UBTF: variants seen among roughly 807,000 people sequenced by gnomAD.
The protein encoded by UBTF is upstream binding transcription factor.
A neutral mutation model predicts 112.3 loss-of-function variants in UBTF; 8 were observed. The observed-to-expected ratio is 0.07, with a 90% CI of 0.04 to 0.13. The LOEUF (loss-of-function observed/expected upper bound fraction) is 0.13. Ranked by LOEUF, UBTF falls within the 10% of genes least tolerant of loss-of-function variation. The pLI is 1.00. For synonymous variants in UBTF, 417 were observed against 373.1 expected (o/e 1.12, Z -1.36); for missense variants, 457 against 982.1 (o/e 0.47, Z 7.15).
At chr17:44,217,801 G>A (rs914927654) in intron 2 of UBTF, among the ~76,000 whole-genome samples, 1 of 152,090 alleles carries the variant, frequency 6.6e-6, no homozygotes, top group African/African-American at 2.4e-5. Context: ...AAGCCTCATG[G>A]TCTTCCTAAA....
intron 15 of UBTF, 137 bp from the exon 16 acceptor site, chr17:44,209,870 A>G: frequency 1.1e-6 from 1 of 931,514 alleles, no homozygotes; most frequent in Non-Finnish European, 1.6e-6. Flanking sequence ...CTAGTGAGCA[A>G]CTTCCTAACA....
At chr17:44,210,742 G>A (rs1474491866) in intron 13 of UBTF, 50 bp downstream of exon 13, 1 of 1,546,770 alleles carries the variant, frequency 6.5e-7, no homozygotes, top group African/African-American at 1.4e-5. Context: ...GGGGAAGAGG[G>A]GGCCCTGGCA....
chr17:44,212,422 C>G lies in UBTF; in HGVS notation c.693G>C (p.Gly231=). ...ATTKEVKDSL[G]KQWSQLSDKK... ...TGTCCGAGAGCTGAGACCACTGCTT[C>G]CCCAGGGAGTCCTTCACCTCCTTCG... The change falls in exon 8 of 21, where the codon GGG becomes GGC. Residue 231 remains glycine, a synonymous_variant. Coordinates refer to ENST00000436088, the MANE Select transcript of UBTF (RefSeq NM_014233.4). 1.2e-6 allele frequency: 2 copies of G among 1,613,306 alleles called. No homozygotes were observed. The highest frequency in any genetic ancestry group is 1.7e-5 in the Admixed American group (1 of 60,000).
intron 17 of UBTF, 21 bp downstream of exon 17, chr17:44,209,331 A>G: frequency 6.4e-7 from 1 of 1,571,672 alleles, no homozygotes; most frequent in African/African-American, 1.3e-5. Context: ...TGTTCCTTCC[A>G]AGGGTCCCTT....
Position 44,206,943 on chromosome 17 carries a change from C to T in UBTF, c.*299G>A, listed in dbSNP as rs929717460. ...CCACTCTCCGGTCCATTGTCCATGCCGGAACCGCAAGTGCAGAAGTGGGTG... is the reference window on the plus strand; with the variant it reads ...CCACTCTCCGGTCCATTGTCCATGCTGGAACCGCAAGTGCAGAAGTGGGTG... On this transcript the variant is annotated 3_prime_UTR_variant, in exon 21 of 21. Transcript: ENST00000436088. 4.2e-5 allele frequency: 21 copies of T among 496,468 alleles called. No individual in the cohort carries two copies. The highest frequency in any genetic ancestry group is 2.1e-4 in the South Asian group (6 of 28,422). 30.8% of individuals were successfully genotyped at this position (496,468 alleles called of 1,614,324 possible).
At chr17:44,218,846 C>T (rs2047003116) in intron 1 of UBTF, among the ~76,000 whole-genome samples, 1 of 150,622 alleles carries the variant, frequency 6.6e-6, no homozygotes, top group Non-Finnish European at 1.5e-5. Flanking sequence ...CCCCGGGGAC[C>T]GGATCCGGAT....
chr17:44,210,855 G>A lies in UBTF; in HGVS notation c.1296C>T (p.Leu432=), dbSNP rs774859078. The change falls in exon 13 of 21, where the codon CTC becomes CTT. Residue 432 remains leucine, a synonymous_variant. Coordinates refer to ENST00000436088, the MANE Select transcript of UBTF (RefSeq NM_014233.4). ...GCAGGCGGGTCAGCTCGCTCTCGGA[G>A]AGCTCAGGCCGCTCCTCCTGCAGCT... ...RRQLQEERPE[L]SESELTRLLA... The A allele has an allele frequency of 1.1e-5, 17 of 1,575,566 alleles. No homozygotes were observed. In the Admixed American group the frequency reaches 3.0e-4, roughly 27 times the overall value.
chr17:44,214,290 A>G (rs77142381), intron 5 of UBTF, among the ~76,000 whole-genome samples: 2,065 of 152,196 alleles, frequency 0.014, 46 homozygotes, highest in African/African-American at 0.046. Context: ...CTCTTCCCCC[A>G]TCTCAGTCCT....
rs2056674055 is a variant in UBTF at position 44,211,500 on chromosome 17, G to A, written c.1047+106C>T. On this transcript the variant is annotated intron_variant, in intron 10 of 20. Coordinates refer to ENST00000436088, the MANE Select transcript of UBTF (RefSeq NM_014233.4). The surrounding 1 kb of genome is among the most constrained non-coding windows in gnomAD (Gnocchi z 4.9). The stretch of plus-strand genomic sequence containing the variant: ...CCCAGCCCAGCCCCACACTGTATTG[G>A]AGGCAGGTACCCAAGGCACACGCCA... The A allele has an allele frequency of 1.9e-6, 3 of 1,558,044 alleles. No homozygotes were observed. The highest frequency in any genetic ancestry group is 2.2e-5 in the East Asian group (1 of 44,464).
intron 20 of UBTF, 21 bp from the exon 21 acceptor site, chr17:44,207,388 T>C: frequency 6.2e-7 from 1 of 1,612,510 alleles, no homozygotes; most frequent in Admixed American, 1.7e-5. Context: ...AGAAAGGATG[T>C]GGAGTCACCA....
chr17:44,212,699 C>T, intron 7 of UBTF, 120 bp downstream of exon 7: 5 of 1,528,318 alleles, frequency 3.3e-6, no homozygotes, highest in South Asian at 2.5e-5. Context: ...TCCATGCAGC[C>T]CACCCCTGGG....
Position 44,211,996 on chromosome 17 carries a change from C to T in UBTF, c.782G>A (p.Arg261Lys). Residue 261 changes from arginine (R) to lysine (K), a missense_variant, in exon 9 of 21, where the codon AGA (arginine) becomes AAA (lysine). By Grantham distance (26) the Arg-to-Lys change is conservative. Transcript: ENST00000436088. The surrounding 1 kb of genome is among the most constrained non-coding windows in gnomAD (Gnocchi z 4.9). ...CTCTGGGTGCTTCTGGATATAGTCT[C>T]TCATGATCTCCTGCAGAGCCAGGTG... ...EQRKEYEEIM[R>K]DYIQKHPELN... The T allele has an allele frequency of 3.1e-6, 5 of 1,613,262 alleles. No homozygotes were observed. The highest frequency in any genetic ancestry group is 4.2e-6 in the Non-Finnish European group (5 of 1,179,792).
chr17:44,208,908 C>T (rs1598219879), intron 17 of UBTF: 1 of 357,662 alleles, frequency 2.8e-6, no homozygotes, highest in Admixed American at 3.5e-5. Flanking sequence ...ATAGTGGCTG[C>T]GGACGGTGGC....
At position 44,210,118 on chromosome 17, in the gene UBTF, T is replaced by TCCTA. The variant is rs753380487; in HGVS notation, c.1626+2_1626+5dup. ...ATGAATGGGGTGGCCCCAGCCCCAT[T>TCCTA]CCTACCTCATATCGCTTTTGGTCTT... On this transcript the variant is annotated splice_donor_region_variant and intron_variant, in intron 15 of 20. Coordinates refer to ENST00000436088, the MANE Select transcript of UBTF (RefSeq NM_014233.4). 6.2e-7 allele frequency: 1 copy of TCCTA among 1,614,160 alleles called. No individual in the cohort carries two copies. Among genetic ancestry groups the TCCTA allele is most frequent in the Non-Finnish European group, 8.5e-7 (1 of 1,180,000 alleles).
chr17:44,218,140 A>C, intron 2 of UBTF, 32 bp downstream of exon 2: 2 of 1,609,008 alleles, frequency 1.2e-6, no homozygotes, highest in Non-Finnish European at 8.5e-7. Context: ...AGAGGGTTTA[A>C]GTTTCAGAGG....
In UBTF at chr17:44,210,481, G is replaced by A; in HGVS notation, c.1360-8C>T. 6.3e-7 allele frequency: 1 copy of A among 1,595,704 alleles called. No homozygotes were observed. Among genetic ancestry groups the A allele is most frequent in the South Asian group, 1.1e-5 (1 of 89,810 alleles). On this transcript the variant is annotated splice_region_variant and splice_polypyrimidine_tract_variant and intron_variant, in intron 13 of 20. Transcript: ENST00000436088. ...TCGGGCCTTGTACTTGGCCTGCGGG[G>A]ATGGCCCGGGCGTCAGCCTTCCACC...
intron 2 of UBTF, 102 bp downstream of exon 2, chr17:44,218,070 A>C: frequency 8.7e-7 from 1 of 1,144,322 alleles, no homozygotes; most frequent in East Asian, 2.4e-5. Flanking sequence ...CCCCCAGTTC[A>C]GTGTATGCAG....
intron 15 of UBTF, 106 bp from the exon 16 acceptor site, chr17:44,209,839 G>GGAA: frequency 8.1e-7 from 1 of 1,234,644 alleles, no homozygotes; most frequent in Non-Finnish European, 1.1e-6. Context: ...TTCTGTGCCA[G>GGAA]GGAGGAGGAG....
intron 1 of UBTF, chr17:44,218,993 C>A (rs2047016033): frequency 6.7e-6 from 1 of 149,858 alleles, no homozygotes; most frequent in Non-Finnish European, 1.5e-5. Flanking sequence ...CACCGCCCAG[C>A]CACCCCGACG....
Sources: gnomAD v4.1 joint callset for allele counts (sites outside exome capture counted in the v4.1 genomes callset) on GRCh38, gnomAD v4.1.1 for gene constraint, Gnocchi (gnomAD v3.1) non-coding constraint, MANE v1.5 for transcripts, NCBI Gene and HGNC (gene_info 2026-07-23, HGNC 2026-07-21) for gene names.